TNS2: variants seen among roughly 807,000 people sequenced by gnomAD.
TNS2 encodes the protein tensin-2.
Under a neutral mutation model 155.7 loss-of-function variants are expected in TNS2, and 77 were observed. That is an observed-to-expected ratio of 0.49 (90% confidence interval 0.41 to 0.60). The LOEUF is 0.60. TNS2 is among the 20% of genes least tolerant of loss of function. The probability of loss-of-function intolerance (pLI) is 0.00; values close to 1 mark genes in which losing one functional copy is unlikely to be tolerated. For missense variants in TNS2, 1,703 were observed against 1,868.8 expected, an observed-to-expected ratio of 0.91 and a Z score of 1.64; for synonymous variants, 726 against 763.9, an observed-to-expected ratio of 0.95 and a Z score of 0.82.
At chr12:53,056,037 G>A in intron 10 of TNS2, 192 bp downstream of exon 10, 1 of 612,806 alleles carries the variant, frequency 1.6e-6, no homozygotes, top group Non-Finnish European at 2.8e-6. Flanking sequence ...GTTTCCTGGG[G>A]CAGCCACAAA....
In TNS2 at chr12:53,060,993, G is replaced by A. The variant is rs1254505150; in HGVS notation, c.3087G>A (p.Gly1029=). The A allele has an allele frequency of 1.2e-6, 2 of 1,612,726 alleles. No homozygotes were observed. Among genetic ancestry groups the A allele is most frequent in the South Asian group, 2.2e-5 (2 of 90,964 alleles). The part of the protein sequence containing the change: ...GPRGPPDSPD[G]SPLTPVPSQM... ...GAGGCCCCCCCGACAGCCCAGATGG[G>A]TCTCCCCTCACTCCTGTGCCTTCCC... The change falls in exon 20 of 29, where the codon GGG becomes GGA. Residue 1029 remains glycine, a synonymous_variant. Coordinates refer to ENST00000314250, the MANE Select transcript of TNS2 (RefSeq NM_170754.4). This position sits in a 1 kb window ranked among gnomAD's most constrained non-coding sequence, Gnocchi z 6.1.
Position 53,054,304 on chromosome 12 carries a change from T to C in TNS2, c.385T>C (p.Trp129Arg). Residue 129 changes from tryptophan (W) to arginine (R), a missense_variant, in exon 7 of 29, where the codon TGG becomes CGG. By Grantham distance (101) the Trp-to-Arg change is moderately radical (BLOSUM62 -3). Coordinates refer to ENST00000314250, the MANE Select transcript of TNS2 (RefSeq NM_170754.4). The part of the protein sequence containing the change: ...FSLDPLMERR[W>R]DLDLTYVTER... ...CCTGGACCCGCTCATGGAGCGGCGC[T>C]GGGACTTAGACCTCACCTACGTGAC... 3 of 1,613,274 alleles carry C rather than the reference T, an allele frequency of 1.9e-6. No homozygotes were observed. The South Asian group carries it at 3.3e-5, about 18-fold the overall frequency.
chr12:53,058,747 T>C lies in TNS2; in HGVS notation c.1325T>C (p.Val442Ala). The change falls in exon 17 of 29, where the codon GTC becomes GCC. Residue 442 changes from valine (V) to alanine (A), a missense_variant. By Grantham distance (64) the Val-to-Ala change is moderately conservative. Transcript: ENST00000314250. Reference sequence around the variant, plus strand: ...CCACGGAACGACCCCTCGGTCTCTGTCGACTACAACACCACTGAGCCAGCC... The same window carrying C: ...CCACGGAACGACCCCTCGGTCTCTGCCGACTACAACACCACTGAGCCAGCC... Reference protein sequence around the residue: ...STPRNDPSVSVDYNTTEPAVR... With the variant: ...STPRNDPSVSADYNTTEPAVR... The C allele has an allele frequency of 6.2e-7, 1 of 1,613,986 alleles. No homozygotes were observed.
At position 53,063,047 on chromosome 12, in the gene TNS2, G is replaced by GGGAT; in HGVS notation, c.3824-39_3824-36dup. 1 of 1,507,404 alleles carries GGGAT rather than the reference G, an allele frequency of 6.6e-7. No individual in the cohort carries two copies. Among genetic ancestry groups the GGGAT allele is most frequent in the Non-Finnish European group, 8.8e-7 (1 of 1,131,842 alleles). The allele number at this position is 1,507,404 out of a possible 1,614,324, so 93.4% of individuals were successfully genotyped here. A position where few individuals can be genotyped will look rare whatever the true frequency, so the allele number is the denominator to read the frequency against. ...TGCAAGAGCTGGTGGGGGTGGCTAG[G>GGGAT]GGATGGGCACTCCCTCCCTGACCCA... On this transcript the variant is annotated intron_variant, in intron 25 of 28. Transcript: ENST00000314250. The surrounding 1 kb of genome is among the most constrained non-coding windows in gnomAD (Gnocchi z 5.6).
Position 53,063,232 on chromosome 12 carries a change from A to G in TNS2, c.3967A>G (p.Ile1323Val). ...VVHFKVSAQG[I>V]TLTDNQRKLF... ...CCACTTCAAGGTGTCAGCCCAGGGC[A>G]TTACACTGACGGACAACCAAAGGAA... Residue 1323 changes from isoleucine to valine, a missense_variant, in exon 26 of 29, where the codon ATT becomes GTT. By Grantham distance (29) the Ile-to-Val change is conservative (BLOSUM62 3). Transcript: ENST00000314250. The surrounding 1 kb of genome is among the most constrained non-coding windows in gnomAD (Gnocchi z 5.6). 3 of 1,613,006 alleles carry G rather than the reference A, an allele frequency of 1.9e-6. No homozygotes were observed. In the South Asian group the frequency reaches 3.3e-5, roughly 18 times the overall value.
At chr12:53,055,867 T>G (rs753459182) in intron 10 of TNS2, 22 bp downstream of exon 10, 5 of 1,600,306 alleles carry the variant, frequency 3.1e-6, no homozygotes, top group Non-Finnish European at 4.3e-6. Context: ...AGCGCCTGAG[T>G]AGCTGCTTCC....
chr12:53,060,715 A>G lies in TNS2; in HGVS notation c.2809A>G (p.Thr937Ala). ...QDTRSPTSAP[T>A]QRLSPGEALP... ...CACCAGGTCCCCCACCTCAGCGCCC[A>G]CTCAGAGACTGAGTCCTGGCGAGGC... Residue 937 changes from threonine to alanine, a missense_variant, in exon 20 of 29, where the codon ACT becomes GCT. Physicochemically the swap from Thr to Ala is moderately conservative, Grantham distance 58 (BLOSUM62 0). Transcript: ENST00000314250. The surrounding 1 kb of genome is among the most constrained non-coding windows in gnomAD (Gnocchi z 6.1). 1 of 1,594,600 alleles carries G rather than the reference A, an allele frequency of 6.3e-7. No individual in the cohort carries two copies. Among genetic ancestry groups the G allele is most frequent in the Non-Finnish European group, 8.6e-7 (1 of 1,167,428 alleles).
At chr12:53,058,537 C>T (rs928379666) in intron 15 of TNS2, 35 bp from the exon 16 acceptor site, 2 of 1,613,926 alleles carry the variant, frequency 1.2e-6, no homozygotes. Context: ...TGGTATGGGC[C>T]AGGGGCCTGG....
upstream of TNS2, among the ~76,000 whole-genome samples, chr12:53,047,461 G>A (rs950739697): frequency 2.1e-5 from 3 of 141,860 alleles, no homozygotes; most frequent in Admixed American, 6.9e-5. Flanking sequence ...GGGGGCGCGG[G>A]GCCGCCGGAG....
At chr12:53,056,808 A>C (rs150259285) in intron 10 of TNS2, 1 of 513,168 alleles carries the variant, frequency 1.9e-6, no homozygotes, top group Non-Finnish European at 3.5e-6. Flanking sequence ...TACAGATGAA[A>C]AAACTAAAGT....
rs181126368 is a variant in TNS2 at position 53,051,866 on chromosome 12, T to G, written c.87T>G (p.Ala29=). 67 of 1,613,124 alleles carry G rather than the reference T, an allele frequency of 4.2e-5. No homozygotes were observed. The East Asian group carries it at 1.3e-3, about 31-fold the overall frequency. ...SSRAASRPRK[A]EPHSFREKVF... is the part of the protein sequence containing the mutation. ...CCCTCCACCTTCAGCCTAGGAAAGC[T>G]GAGCCTCATAGCTTCCGGGAGAAGG... Residue 29 remains alanine, a synonymous_variant, in exon 2 of 29, where the codon GCT becomes GCG. Transcript: ENST00000314250.
upstream of TNS2, among the ~76,000 whole-genome samples, chr12:53,047,300 T>G (rs1451579476): frequency 7.1e-6 from 1 of 140,956 alleles, no homozygotes; most frequent in Admixed American, 7.0e-5. Flanking sequence ...ACGGGCGGGA[T>G]GGGCTGGCCC....
intron 13 of TNS2, 29 bp from the exon 14 acceptor site, chr12:53,057,998 C>A: frequency 6.2e-7 from 1 of 1,613,774 alleles, no homozygotes. Flanking sequence ...GCTTCTGGTT[C>A]ATCTCTGCCT....
At chr12:53,049,244 T>C (rs1452320648), upstream of TNS2, 2 of 1,606,760 alleles carry the variant, frequency 1.2e-6, no homozygotes, top group African/African-American at 2.7e-5. Context: ...AGGAGAGCCA[T>C]GAAGGTAGTA....
chr12:53,062,118 C>T (rs140593819), intron 22 of TNS2, 35 bp from the exon 23 acceptor site: 758 of 1,613,326 alleles, frequency 4.7e-4, no homozygotes, highest in Non-Finnish European at 6.2e-4. Flanking sequence ...AACCTGGAAT[C>T]CTAAAGCCGC....
In TNS2 at chr12:53,063,980, A is replaced by C. The variant is rs944113668; in HGVS notation, c.*98A>C. The stretch of plus-strand genomic sequence containing the variant: ...GGCCTGGACCCAGGAGACCCAGGAG[A>C]AAGCACCCTCCCTTAGGAATGAGGA... On this transcript the variant is annotated 3_prime_UTR_variant, in exon 29 of 29. Transcript: ENST00000314250. This position sits in a 1 kb window ranked among gnomAD's most constrained non-coding sequence, Gnocchi z 5.6. 1.2e-5 allele frequency: 17 copies of C among 1,375,982 alleles called. No individual in the cohort carries two copies. Among genetic ancestry groups the C allele is most frequent in the Non-Finnish European group, 1.7e-5 (17 of 1,002,950 alleles). 85.2% of individuals were successfully genotyped at this position (1,375,982 alleles called of 1,614,324 possible).
At chr12:53,061,335 G>T (rs1395041773) in intron 20 of TNS2, 45 bp from the exon 21 acceptor site, 13 of 1,612,734 alleles carry the variant, frequency 8.1e-6, no homozygotes, top group South Asian at 3.3e-5. Context: ...CATGGATGGG[G>T]ACCCGGGTAC....
intron 6 of TNS2, 50 bp from the exon 7 acceptor site, chr12:53,054,220 A>C (rs1364839807): frequency 1.2e-6 from 2 of 1,607,922 alleles, no homozygotes; most frequent in African/African-American, 2.7e-5. Context: ...CACACTAGCC[A>C]CCTCCGGGTG....
intron 11 of TNS2, among the ~76,000 whole-genome samples, chr12:53,057,329 G>C (rs971588177): frequency 2.0e-4 from 31 of 152,216 alleles, no homozygotes; most frequent in Non-Finnish European, 1.6e-4. Flanking sequence ...AAGAGAACCT[G>C]AAGGACAGTC....
Sources: allele counts gnomAD v4.1 joint callset (sites outside exome capture counted in the v4.1 genomes callset), GRCh38; gene constraint gnomAD v4.1.1; non-coding constraint Gnocchi (gnomAD v3.1); transcripts MANE v1.5; gene names NCBI Gene and HGNC (gene_info 2026-07-23, HGNC 2026-07-21).